Variants in ADGRA3 observed in about 807,000 individuals in gnomAD.
The protein encoded by ADGRA3 is adhesion G protein-coupled receptor A3, also known as G-protein coupled receptor 125.
A neutral mutation model predicts 119.8 loss-of-function variants in ADGRA3; 56 were observed. The observed-to-expected ratio is 0.47, with a 90% confidence interval of 0.38 to 0.58. The LOEUF is 0.58. Ranked by LOEUF, ADGRA3 falls within the 20% of genes least tolerant of loss-of-function variation. ADGRA3 has a pLI of 0.00. For synonymous variants in ADGRA3, 607 were observed against 623.8 expected (o/e 0.97, Z 0.40); for missense variants, 1,516 against 1,649.0 (o/e 0.92, Z 1.40).
At chr4:22,473,148 A>G (rs1717914314) in intron 2 of ADGRA3, 1 of 152,202 alleles carries the variant, frequency 6.6e-6, no homozygotes, top group African/African-American at 2.4e-5. Flanking sequence ...GTGACATGCA[A>G]GTTTGGCCTT....
intron 12 of ADGRA3, among the ~76,000 whole-genome samples, chr4:22,415,449 C>A (rs1033799635): frequency 2.0e-5 from 3 of 152,040 alleles, no homozygotes; most frequent in Admixed American, 6.6e-5. Context: ...TTCTCACTCA[C>A]AAATATAATC....
In ADGRA3 at chr4:22,473,882, C is replaced by T. The variant is rs779492183; in HGVS notation, c.258-39G>A. The stretch of plus-strand genomic sequence containing the variant: ...AAAAAATAATAAGTTGCCTAATATA[C>T]ACTACCAATATCAAAGTAATTTAGC... On this transcript the variant is annotated intron_variant, in intron 1 of 18. Transcript: ENST00000334304. The T allele has an allele frequency of 2.3e-5, 28 of 1,212,334 alleles. No homozygotes were observed. The East Asian group carries it at 6.1e-4, about 26-fold the overall frequency. The allele number at this position is 1,212,334 out of a possible 1,614,324, so 75.1% of individuals were successfully genotyped here. A position where few individuals can be genotyped will look rare whatever the true frequency, so the allele number is the denominator to read the frequency against.
intron 2 of ADGRA3, among the ~76,000 whole-genome samples, chr4:22,466,510 T>C (rs1717664142): frequency 6.6e-6 from 1 of 152,120 alleles, no homozygotes; most frequent in Non-Finnish European, 1.5e-5. Flanking sequence ...GTGGATCACC[T>C]GAGATCAGGA....
At chr4:22,444,885 AT>A in intron 6 of ADGRA3, 87 bp downstream of exon 6, 1 of 1,335,472 alleles carries the variant, frequency 7.5e-7, no homozygotes, top group Non-Finnish European at 1.1e-6. Context: ...CTGTCCAAGT[AT>A]AAAGAGAATC....
intron 2 of ADGRA3, among the ~76,000 whole-genome samples, chr4:22,462,894 G>A (rs1294672561): frequency 6.6e-6 from 1 of 152,160 alleles, no homozygotes; most frequent in African/African-American, 2.4e-5. Context: ...GCTCAGCTGG[G>A]GACTCGCCAG....
rs1167183051 is a variant in ADGRA3, at chr4:22,388,555, C to T, written c.3116G>A (p.Ser1039Asn). 6.2e-6 allele frequency: 10 copies of T among 1,614,084 alleles called. No individual in the cohort carries two copies. Among genetic ancestry groups the T allele is most frequent in the Non-Finnish European group, 8.5e-6 (10 of 1,180,026 alleles). The change falls in exon 19 of 19, where the codon AGT becomes AAT. Residue 1039 changes from serine (S) to asparagine (N), a missense_variant. By Grantham distance (46) the Ser-to-Asn change is conservative. Around this residue, in one of 2 missense-constraint regions of ADGRA3, gnomAD observed 1,088 missense variants for 1,107.1 expected, o/e 0.98. Coordinates refer to ENST00000334304, the MANE Select transcript of ADGRA3 (RefSeq NM_145290.4). The stretch of plus-strand genomic sequence containing the variant: ...ACAATGGTGGACCACGAAGAACGCA[C>T]TGAAGCTTAAACTTGTGGCTCCAAA... The part of the protein sequence containing the change: ...FVFGATSLSF[S>N]AFFVVHHCVN...
At chr4:22,415,748 T>A (rs1715400583) in intron 12 of ADGRA3, among the ~76,000 whole-genome samples, 1 of 152,098 alleles carries the variant, frequency 6.6e-6, no homozygotes, top group African/African-American at 2.4e-5. Flanking sequence ...TTACATTTTT[T>A]AAAAGAAAGT....
chr4:22,463,921 C>T (rs1476020926), intron 2 of ADGRA3, among the ~76,000 whole-genome samples: 2 of 152,130 alleles, frequency 1.3e-5, no homozygotes, highest in Non-Finnish European at 2.9e-5. Context: ...TTCTCAAGAA[C>T]GTTGCTCTGG....
intron 1 of ADGRA3, among the ~76,000 whole-genome samples, chr4:22,500,435 A>C (rs982638874): frequency 6.9e-6 from 1 of 144,412 alleles, no homozygotes; most frequent in African/African-American, 2.5e-5. Flanking sequence ...CAGCACCTAG[A>C]ACACGATCAA....
At chr4:22,470,057 T>C (rs1372866450) in intron 2 of ADGRA3, among the ~76,000 whole-genome samples, 1 of 152,212 alleles carries the variant, frequency 6.6e-6, no homozygotes, top group Non-Finnish European at 1.5e-5. Flanking sequence ...GTTGAATAAA[T>C]TTAAATCAGC....
At chr4:22,498,238 A>G (rs1342890453) in intron 1 of ADGRA3, among the ~76,000 whole-genome samples, 1 of 110,324 alleles carries the variant, frequency 9.1e-6, no homozygotes, top group African/African-American at 3.7e-5. Flanking sequence ...CAAAAGCGAA[A>G]CGAGTTTCAC....
At chr4:22,396,577 A>C (rs1714364106) in intron 16 of ADGRA3, among the ~76,000 whole-genome samples, 1 of 152,152 alleles carries the variant, frequency 6.6e-6, no homozygotes, top group African/African-American at 2.4e-5. Flanking sequence ...TAGGATCTGG[A>C]ATCCTAGACT....
In ADGRA3 at chr4:22,420,511, C is replaced by CT. The variant is rs1218228654; in HGVS notation, c.1809+374dup. ...GGCGCAGTGCCAAAGGCTCATGATA[C>CT]TTTTAGGGGCCCATGAAAACATCTT... On this transcript the variant is annotated intron_variant, in intron 12 of 18. Transcript: ENST00000334304. The CT allele has an allele frequency of 1.2e-4, 33 of 271,244 alleles. No individual in the cohort carries two copies. In the East Asian group the frequency reaches 2.5e-3, roughly 21 times the overall value. 16.8% of individuals were successfully genotyped at this position (271,244 alleles called of 1,614,324 possible). A position where few individuals can be genotyped will look rare whatever the true frequency, so the allele number is the denominator to read the frequency against.
intron 15 of ADGRA3, among the ~76,000 whole-genome samples, 179 bp from the exon 16 acceptor site, chr4:22,401,733 T>C (rs767400169): frequency 2.0e-5 from 3 of 151,904 alleles, no homozygotes; most frequent in Non-Finnish European, 4.4e-5. Flanking sequence ...ATCTGAGACA[T>C]CATTTAACTC....
Position 22,388,051 on chromosome 4 carries a change from G to A in ADGRA3, c.3620C>T (p.Pro1207Leu). 6.2e-7 allele frequency: 1 copy of A among 1,614,158 alleles called. No individual in the cohort carries two copies. Among genetic ancestry groups the A allele is most frequent in the Non-Finnish European group, 8.5e-7 (1 of 1,180,016 alleles). Residue 1207 changes from proline (P) to leucine (L), a missense_variant, in exon 19 of 19, where the codon CCT (proline) becomes CTT (leucine). Transcript: ENST00000334304. ...TTCGTTATTGCCCAGCCGGCTTTTAGGTAAGCCGTTCTGCACGCTTCCTTC... is the reference window on the plus strand; with the variant it reads ...TTCGTTATTGCCCAGCCGGCTTTTAAGTAAGCCGTTCTGCACGCTTCCTTC... Reference protein sequence around the residue: ...SVEGSVQNGLPKSRLGNNEGH... With the variant: ...SVEGSVQNGLLKSRLGNNEGH...
intron 1 of ADGRA3, among the ~76,000 whole-genome samples, chr4:22,507,194 C>G (rs779316343): frequency 6.6e-6 from 1 of 151,962 alleles, no homozygotes; most frequent in Non-Finnish European, 1.5e-5. Flanking sequence ...GAGCCGAGAT[C>G]GCGCCACTGC....
chr4:22,458,143 G>T (rs1006265889), intron 3 of ADGRA3, among the ~76,000 whole-genome samples: 1 of 152,156 alleles, frequency 6.6e-6, no homozygotes, highest in African/African-American at 2.4e-5. Context: ...AAATCATTCA[G>T]CATCAGCCCG....
At chr4:22,417,669 G>A (rs1489607214) in intron 12 of ADGRA3, among the ~76,000 whole-genome samples, 2 of 152,052 alleles carry the variant, frequency 1.3e-5, no homozygotes, top group Admixed American at 6.6e-5. Context: ...ATTGCAGCTC[G>A]CTCCACCACT....
chr4:22,436,301 G>A, intron 9 of ADGRA3, 139 bp downstream of exon 9: 1 of 645,856 alleles, frequency 1.5e-6, no homozygotes, highest in Non-Finnish European at 2.7e-6. Flanking sequence ...TGATCCTGAA[G>A]ACAGTTAAGT....
Sources: gnomAD v4.1 joint callset for allele counts (sites outside exome capture counted in the v4.1 genomes callset) on GRCh38, gnomAD v4.1.1 for gene constraint, gnomAD v4.1.1 regional missense constraint, MANE v1.5 for transcripts, NCBI Gene and HGNC (gene_info 2026-07-23, HGNC 2026-07-21) for gene names.